TMTC2: variants seen among roughly 807,000 people sequenced by gnomAD.
The protein encoded by TMTC2 is transmembrane O-mannosyltransferase targeting cadherins 2.
A neutral mutation model predicts 82.4 loss-of-function variants in TMTC2; 43 were observed. The observed-to-expected ratio is 0.52, with a 90% CI of 0.41 to 0.67. The LOEUF (loss-of-function observed/expected upper bound fraction) is 0.67, where lower values mean the gene tolerates loss of function less well. TMTC2 is among the 30% of genes least tolerant of loss of function. TMTC2 has a pLI of 0.00. For missense variants in TMTC2, 919 were observed against 1,012.4 expected (o/e 0.91, Z 1.25); for synonymous variants, 408 against 381.9 (o/e 1.07, Z -0.80).
At chr12:83,003,291 T>A (rs191409437) in intron 8 of TMTC2, among the ~76,000 whole-genome samples, 1 of 152,310 alleles carries the variant, frequency 6.6e-6, no homozygotes, top group Admixed American at 6.5e-5. Context: ...TTGATCCCTT[T>A]ACTTTGAGCC....
chr12:83,059,963 T>A (rs1882681980), intron 10 of TMTC2, among the ~76,000 whole-genome samples: 1 of 151,706 alleles, frequency 6.6e-6, no homozygotes, highest in African/African-American at 2.4e-5. Flanking sequence ...AGAAAACCTT[T>A]CCAGGGCATG....
rs540975360 is a variant in TMTC2, at chr12:82,979,734, T to C, written c.1949-6191T>C. On this transcript the variant is annotated intron_variant, in intron 7 of 11. Coordinates refer to ENST00000321196, the MANE Select transcript of TMTC2 (RefSeq NM_152588.3). Reference sequence around the variant, plus strand: ...ATTTCTTATTGCTTATAAAGGTCATTTTCTTTCAGATTGAAGGACTCCCTT... The same window carrying C: ...ATTTCTTATTGCTTATAAAGGTCATCTTCTTTCAGATTGAAGGACTCCCTT... Among the ~76,000 whole-genome samples, 28 of 151,936 alleles carry C rather than the reference T, an allele frequency of 1.8e-4. No individual in the cohort carries two copies. The South Asian group carries it at 5.6e-3, about 30-fold the overall frequency.
chr12:82,769,925 T>C (rs948226818), intron 1 of TMTC2, among the ~76,000 whole-genome samples: 11 of 152,170 alleles, frequency 7.2e-5, no homozygotes, highest in South Asian at 6.2e-4. Flanking sequence ...ACTTATTTTT[T>C]ATGGATATCT....
intron 1 of TMTC2, among the ~76,000 whole-genome samples, chr12:82,836,473 A>G (rs1428644966): frequency 6.6e-6 from 1 of 152,158 alleles, no homozygotes; most frequent in African/African-American, 2.4e-5. Flanking sequence ...TGATGTAATC[A>G]ATTTCTGGCT....
chr12:82,972,656 C>T (rs2137315367), intron 7 of TMTC2, among the ~76,000 whole-genome samples: 1 of 152,270 alleles, frequency 6.6e-6, no homozygotes, highest in African/African-American at 2.4e-5. Flanking sequence ...TCATAAATAG[C>T]TACAAGTGAT....
intron 3 of TMTC2, among the ~76,000 whole-genome samples, chr12:82,910,405 C>T (rs757717351): frequency 5.9e-5 from 9 of 151,958 alleles, no homozygotes; most frequent in South Asian, 2.1e-4. Flanking sequence ...TCCAACCCCA[C>T]GGCAGTGCCT....
chr12:82,944,039 G>A (rs540721785), intron 4 of TMTC2, among the ~76,000 whole-genome samples: 4 of 152,276 alleles, frequency 2.6e-5, no homozygotes, highest in African/African-American at 9.6e-5. Flanking sequence ...GGTAAGTAAG[G>A]TGGTTTGGGG....
intron 8 of TMTC2, among the ~76,000 whole-genome samples, chr12:83,030,241 C>A (rs2137421570): frequency 1.3e-5 from 2 of 152,056 alleles, no homozygotes; most frequent in South Asian, 4.2e-4. Context: ...CTTCTTAGTA[C>A]CCTTGGATTG....
At chr12:83,082,769 C>T (rs78536138) in intron 11 of TMTC2, among the ~76,000 whole-genome samples, 6,691 of 152,220 alleles carry the variant, frequency 0.044, 187 homozygotes, top group East Asian at 0.12. Context: ...TTGGGTTTTG[C>T]CTTCCTAAAT....
chr12:83,017,957 G>T (rs948112479), intron 8 of TMTC2, among the ~76,000 whole-genome samples: 33 of 149,852 alleles, frequency 2.2e-4, no homozygotes, highest in African/African-American at 7.6e-4. Context: ...AGAATTTAGT[G>T]TCTAAATAAA....
At chr12:83,024,158 C>T (rs540122157) in intron 8 of TMTC2, among the ~76,000 whole-genome samples, 1 of 152,240 alleles carries the variant, frequency 6.6e-6, no homozygotes, top group African/African-American at 2.4e-5. Flanking sequence ...GGACACCCCA[C>T]CTCAACACAC....
intron 1 of TMTC2, among the ~76,000 whole-genome samples, chr12:82,765,751 A>G (rs1555183576): frequency 1.3e-5 from 2 of 152,196 alleles, no homozygotes; most frequent in Non-Finnish European, 1.5e-5. Context: ...CCTTGCTATC[A>G]TATTCATCAT....
At chr12:82,737,933 C>T (rs1424300926) in intron 1 of TMTC2, among the ~76,000 whole-genome samples, 1 of 152,090 alleles carries the variant, frequency 6.6e-6, no homozygotes, top group African/African-American at 2.4e-5. Flanking sequence ...GCTTTTTGGG[C>T]AGTGATATGG....
intron 11 of TMTC2, among the ~76,000 whole-genome samples, chr12:83,100,378 GT>G (rs761007953): frequency 6.6e-5 from 9 of 135,500 alleles, no homozygotes; most frequent in African/African-American, 1.8e-4. Flanking sequence ...GTTTGTTTGT[GT>G]TTTTTTTGTT....
At chr12:82,753,012 C>G (rs533243043) in intron 1 of TMTC2, among the ~76,000 whole-genome samples, 120 of 152,196 alleles carry the variant, frequency 7.9e-4, no homozygotes, top group South Asian at 2.3e-3. Context: ...GAATTTCTCT[C>G]TCTTGGTCTT....
At position 82,987,170 on chromosome 12, in the gene TMTC2, A is replaced by G. The variant is rs929207537; in HGVS notation, c.2070+1124A>G. On this transcript the variant is annotated intron_variant, in intron 8 of 11. Coordinates refer to ENST00000321196, the MANE Select transcript of TMTC2 (RefSeq NM_152588.3). ...CCACTAAAATACTCTTCAAGAAATC[A>G]TGTAACGCTTTAGGGGGCCGAGGCA... 2.6e-5 allele frequency among the ~76,000 whole-genome samples: 4 copies of G among 152,168 alleles called. No homozygotes were observed. In the East Asian group the frequency reaches 7.7e-4, roughly 29 times the overall value.
At chr12:82,948,143 G>T (rs900967608) in intron 4 of TMTC2, among the ~76,000 whole-genome samples, 2 of 152,148 alleles carry the variant, frequency 1.3e-5, no homozygotes, top group Non-Finnish European at 2.9e-5. Flanking sequence ...AGGCACGAGG[G>T]TCACTTGAGC....
At position 82,802,467 on chromosome 12, in the gene TMTC2, A is replaced by G. The variant is rs929576083; in HGVS notation, c.84-54543A>G. ...GCGCCAAGGCTGAGGAGGTGCTGAGAGTGAGCGAGGACTGGGAGGGCTGCC... is the reference window on the plus strand; with the variant it reads ...GCGCCAAGGCTGAGGAGGTGCTGAGGGTGAGCGAGGACTGGGAGGGCTGCC... On this transcript the variant is annotated intron_variant, in intron 1 of 11. Transcript: ENST00000321196. 5.3e-5 allele frequency among the ~76,000 whole-genome samples: 8 copies of G among 152,292 alleles called. No individual in the cohort carries two copies. In the East Asian group the frequency reaches 1.5e-3, roughly 29 times the overall value.
chr12:82,800,498 A>G (rs1878940152), intron 1 of TMTC2, among the ~76,000 whole-genome samples: 1 of 152,126 alleles, frequency 6.6e-6, no homozygotes, highest in Admixed American at 6.5e-5. Flanking sequence ...TGTTGCATTT[A>G]TTGTGTTTTC....
Sources: allele counts gnomAD v4.1 joint callset (sites outside exome capture counted in the v4.1 genomes callset), GRCh38; gene constraint gnomAD v4.1.1; transcripts MANE v1.5; gene names NCBI Gene and HGNC (gene_info 2026-07-23, HGNC 2026-07-21).